MMP16: variants seen among roughly 807,000 people sequenced by gnomAD.
The protein encoded by MMP16 is matrix metallopeptidase 16, also known as matrix metalloproteinase-16.
In MMP16, 12 loss-of-function variants were observed where a neutral mutation model predicts 67.8. The ratio of observed to expected loss-of-function variants is 0.18; its 90% CI spans 0.11 to 0.29. The LOEUF (loss-of-function observed/expected upper bound fraction) is 0.29. Among genes scored for constraint, MMP16 ranks in the 10% least tolerant of loss-of-function variants. The probability of loss-of-function intolerance (pLI) is 1.00; values close to 1 mark genes in which losing one functional copy is unlikely to be tolerated. For synonymous variants in MMP16, 249 were observed against 255.9 expected (o/e 0.97, Z 0.26); for missense variants, 475 against 765.7 (o/e 0.62, Z 4.48).
intron 3 of MMP16, among the ~76,000 whole-genome samples, chr8:88,170,948 G>T (rs772592825): frequency 2.3e-4 from 35 of 152,108 alleles, no homozygotes; most frequent in Non-Finnish European, 4.0e-4. Flanking sequence ...GAGATATGAA[G>T]AATTAGTTTC....
intron 3 of MMP16, among the ~76,000 whole-genome samples, chr8:88,183,846 G>A (rs934748746): frequency 6.6e-6 from 1 of 150,606 alleles, no homozygotes; most frequent in Non-Finnish European, 1.5e-5. Flanking sequence ...CTCTCGAGTA[G>A]CTGGGATTAC....
chr8:88,151,697 G>C (rs1351738092), intron 4 of MMP16, among the ~76,000 whole-genome samples: 1 of 151,374 alleles, frequency 6.6e-6, no homozygotes, highest in African/African-American at 2.4e-5. Flanking sequence ...CAGAATCTCT[G>C]GGATGCATTC....
At chr8:88,091,625 G>A (rs1808938941) in intron 6 of MMP16, among the ~76,000 whole-genome samples, 1 of 151,754 alleles carries the variant, frequency 6.6e-6, no homozygotes, top group Non-Finnish European at 1.5e-5. Flanking sequence ...CCAATTAAGA[G>A]ATAGATTCTA....
intron 6 of MMP16, among the ~76,000 whole-genome samples, chr8:88,078,813 G>A (rs77445569): frequency 0.018 from 2,722 of 152,278 alleles, 88 homozygotes; most frequent in African/African-American, 0.06. Context: ...TGTGTCACAT[G>A]TTCACACTGA....
At chr8:88,155,283 A>G (rs564205711) in intron 4 of MMP16, among the ~76,000 whole-genome samples, 2 of 152,260 alleles carry the variant, frequency 1.3e-5, no homozygotes, top group African/African-American at 4.8e-5. Context: ...TAATTAGAAT[A>G]TATACAAAAT....
intron 4 of MMP16, among the ~76,000 whole-genome samples, chr8:88,154,530 T>G (rs1808472530): frequency 6.6e-6 from 1 of 151,480 alleles, no homozygotes; most frequent in Non-Finnish European, 1.5e-5. Context: ...TGGAATACTA[T>G]GCAGCCATAA....
chr8:88,153,072 C>A (rs1808436929), intron 4 of MMP16, among the ~76,000 whole-genome samples: 1 of 135,162 alleles, frequency 7.4e-6, no homozygotes, highest in African/African-American at 2.8e-5. Context: ...ACACCAGCAA[C>A]AGACAAACAG....
chr8:88,224,583 A>T (rs113661225), intron 1 of MMP16, among the ~76,000 whole-genome samples: 6,102 of 152,084 alleles, frequency 0.04, 176 homozygotes, highest in South Asian at 0.062. Flanking sequence ...TTTTAGACTA[A>T]TCAGAATAAA....
Position 88,079,102 on chromosome 8 carries a change from T to C in MMP16, c.1084-4359A>G, listed in dbSNP as rs554485747. Reference sequence around the variant, plus strand: ...CTACGCAGCTCCCAGCAGTCTCTCTTGTGTTCATATTGCTCCAGTTATATC... The same window carrying C: ...CTACGCAGCTCCCAGCAGTCTCTCTCGTGTTCATATTGCTCCAGTTATATC... On this transcript the variant is annotated intron_variant, in intron 6 of 9. Transcript: ENST00000286614. Among the ~76,000 whole-genome samples, 140 of 152,246 alleles carry C rather than the reference T, an allele frequency of 9.2e-4. 3 individuals carry two copies. In the South Asian group the frequency reaches 0.027, roughly 30 times the overall value.
chr8:88,324,182 G>A (rs1811503684), intron 1 of MMP16, among the ~76,000 whole-genome samples: 1 of 152,110 alleles, frequency 6.6e-6, no homozygotes, highest in Non-Finnish European at 1.5e-5. Context: ...TTAGCTGTAA[G>A]AGATGTTCCT....
intron 1 of MMP16, among the ~76,000 whole-genome samples, chr8:88,258,820 G>T (rs1328454915): frequency 6.6e-6 from 1 of 152,120 alleles, no homozygotes; most frequent in Non-Finnish European, 1.5e-5. Context: ...TTGGAATACT[G>T]CAGAAAGAAA....
intron 4 of MMP16, among the ~76,000 whole-genome samples, chr8:88,125,957 T>A (rs1334072684): frequency 6.6e-6 from 1 of 151,918 alleles, no homozygotes; most frequent in African/African-American, 2.4e-5. Flanking sequence ...AGTAATCACA[T>A]AATAAATTGC....
intron 1 of MMP16, among the ~76,000 whole-genome samples, chr8:88,205,333 C>A (rs113112853): frequency 1.3e-4 from 20 of 152,024 alleles, no homozygotes; most frequent in Non-Finnish European, 2.9e-4. Context: ...GCTGGAAAGC[C>A]TAGGAGACCC....
At chr8:88,281,233 A>T in intron 1 of MMP16, among the ~76,000 whole-genome samples, 1 of 152,362 alleles carries the variant, frequency 6.6e-6, no homozygotes, top group Middle Eastern at 3.4e-3. Flanking sequence ...GGTTGTTTAA[A>T]CTATTAATAA....
chr8:88,092,503 G>A (rs1216985047), intron 6 of MMP16, among the ~76,000 whole-genome samples: 1 of 151,730 alleles, frequency 6.6e-6, no homozygotes, highest in African/African-American at 2.4e-5. Context: ...GTATATTTAT[G>A]TGATTTTTGA....
chr8:88,262,602 G>A (rs1810404170), intron 1 of MMP16, among the ~76,000 whole-genome samples: 1 of 152,118 alleles, frequency 6.6e-6, no homozygotes, highest in African/African-American at 2.4e-5. Context: ...GCTGTTGGCT[G>A]TCTCTTTTCT....
intron 1 of MMP16, among the ~76,000 whole-genome samples, chr8:88,284,154 C>A (rs963127713): frequency 6.6e-6 from 1 of 152,152 alleles, no homozygotes; most frequent in Non-Finnish European, 1.5e-5. Context: ...TGGCAACAGA[C>A]ATTGCTCTGT....
chr8:88,283,029 G>A (rs28986511), intron 1 of MMP16, among the ~76,000 whole-genome samples: 18,452 of 151,850 alleles, frequency 0.12, 1,198 homozygotes, highest in Non-Finnish European at 0.14. Context: ...TGATATAAGG[G>A]CATTTTTTTC....
intron 7 of MMP16, among the ~76,000 whole-genome samples, chr8:88,064,932 A>G (rs1808444953): frequency 6.6e-6 from 1 of 152,064 alleles, no homozygotes; most frequent in South Asian, 2.1e-4. Flanking sequence ...ACTTCCTTAG[A>G]GAAAGAAACT....
Sources: gnomAD v4.1 joint callset for allele counts (sites outside exome capture counted in the v4.1 genomes callset) on GRCh38, gnomAD v4.1.1 for gene constraint, MANE v1.5 for transcripts, NCBI Gene and HGNC (gene_info 2026-07-23, HGNC 2026-07-21) for gene names.